TMED7: variants seen among roughly 807,000 people sequenced by gnomAD.
The protein encoded by TMED7 is transmembrane p24 trafficking protein 7, also known as transmembrane emp24 domain-containing protein 7.
Under a neutral mutation model 23.4 loss-of-function variants are expected in TMED7, and 8 were observed. That is an observed-to-expected ratio of 0.34 (90% confidence interval 0.20 to 0.62). The LOEUF is 0.62. TMED7 is among the 20% of genes least tolerant of loss of function. The pLI, the probability that TMED7 is intolerant of heterozygous loss-of-function variation, is 0.77. For synonymous variants in TMED7, 121 were observed against 108.5 expected, an observed-to-expected ratio of 1.12 and a Z score of -0.72; for missense variants, 232 against 279.1, an observed-to-expected ratio of 0.83 and a Z score of 1.20.
chr5:115,624,232 T>C (rs551796574), intron 1 of TMED7, among the ~76,000 whole-genome samples: 4 of 152,282 alleles, frequency 2.6e-5, no homozygotes, highest in Admixed American at 2.0e-4. Context: ...TTCTTTTCTG[T>C]CCCCTGGTGC....
rs1477784796 is a variant in TMED7 at position 115,614,492 on chromosome 5, T to C, written c.*1717A>G. 6.6e-6 allele frequency: 1 copy of C among 152,542 alleles called. No individual in the cohort carries two copies. Among genetic ancestry groups the C allele is most frequent in the Admixed American group, 6.5e-5 (1 of 15,270 alleles). 9.4% of individuals were successfully genotyped at this position (152,542 alleles called of 1,614,324 possible). A position where few individuals can be genotyped will look rare whatever the true frequency, so the allele number is the denominator to read the frequency against. The stretch of plus-strand genomic sequence containing the variant: ...AACATCAGTGCTTACAACTTTCAAA[T>C]TTAAATATAAAGGGACACTTGCAAA... On this transcript the variant is annotated 3_prime_UTR_variant, in exon 3 of 3. Coordinates refer to ENST00000456936, the MANE Select transcript of TMED7 (RefSeq NM_181836.6).
intron 1 of TMED7, among the ~76,000 whole-genome samples, chr5:115,624,187 G>A (rs1290932454): frequency 6.6e-6 from 1 of 152,118 alleles, no homozygotes; most frequent in Non-Finnish European, 1.5e-5. Flanking sequence ...CAAAGAAAAT[G>A]TCGGCTTATA....
At position 115,625,931 on chromosome 5, in the gene TMED7, T is replaced by G; in HGVS notation, c.-139A>C. On this transcript the variant is annotated 5_prime_UTR_variant, in exon 1 of 3. Coordinates refer to ENST00000456936, the MANE Select transcript of TMED7 (RefSeq NM_181836.6). ...GAGCAGGTTCACGCCTGTGGGAGAT[T>G]CGGGATCAGAGCGACCCTCCGGCTT... 8.4e-7 allele frequency: 1 copy of G among 1,196,320 alleles called. No homozygotes were observed. Among genetic ancestry groups the G allele is most frequent in the Non-Finnish European group, 1.1e-6 (1 of 943,642 alleles). The allele number at this position is 1,196,320 out of a possible 1,614,324, so 74.1% of individuals were successfully genotyped here. A position where few individuals can be genotyped will look rare whatever the true frequency, so the allele number is the denominator to read the frequency against.
intron 2 of TMED7, among the ~76,000 whole-genome samples, chr5:115,618,401 G>A (rs1756877558): frequency 6.6e-6 from 1 of 152,096 alleles, no homozygotes; most frequent in South Asian, 2.1e-4. Flanking sequence ...TTCCCCTATT[G>A]TTTCAAAGTT....
Position 115,613,227 on chromosome 5 carries a change from G to C in TMED7, c.*2982C>G, listed in dbSNP as rs986282901. Among the ~76,000 whole-genome samples the C allele has an allele frequency of 4.6e-5, 7 of 152,074 alleles. No individual in the cohort carries two copies. The highest frequency in any genetic ancestry group is 1.4e-4 in the African/African-American group (6 of 41,394). On this transcript the variant is annotated 3_prime_UTR_variant, in exon 3 of 3. Transcript: ENST00000456936. ...CAACTGGGTAATATACAAACTAAAG[G>C]TAATTTACTTAAAAATTAAGACCTC...
At chr5:115,619,007 C>G (rs1207021958) in intron 2 of TMED7, 1 of 151,984 alleles carries the variant, frequency 6.6e-6, no homozygotes, top group Non-Finnish European at 1.5e-5. Flanking sequence ...ATAATGATCC[C>G]TATTATATGA....
Position 115,615,416 on chromosome 5 carries a change from A to C in TMED7, c.*793T>G, listed in dbSNP as rs1756680046. On this transcript the variant is annotated 3_prime_UTR_variant, in exon 3 of 3. Coordinates refer to ENST00000456936, the MANE Select transcript of TMED7 (RefSeq NM_181836.6). ...TAAACATATCACCTTTTTTCCTTGTAAAAGCACTGAAAATGTAATGAGTAC... is the reference window on the plus strand; with the variant it reads ...TAAACATATCACCTTTTTTCCTTGTCAAAGCACTGAAAATGTAATGAGTAC... 6.6e-6 allele frequency: 1 copy of C among 152,432 alleles called. No individual in the cohort carries two copies. Among genetic ancestry groups the C allele is most frequent in the African/African-American group, 2.4e-5 (1 of 41,438 alleles). The allele number at this position is 152,432 out of a possible 1,614,324, so 9.4% of individuals were successfully genotyped here.
In TMED7 at chr5:115,625,519, A is replaced by C. The variant is rs1229397002; in HGVS notation, c.192+82T>G. ...TTAGCCTAAGAACGGGGAAACACGGACAGGAAAGTGCCATCCCTCAAGTTA... is the reference window on the plus strand; with the variant it reads ...TTAGCCTAAGAACGGGGAAACACGGCCAGGAAAGTGCCATCCCTCAAGTTA... On this transcript the variant is annotated intron_variant, in intron 1 of 2. Transcript: ENST00000456936. The C allele has an allele frequency of 2.2e-6, 3 of 1,358,550 alleles. No individual in the cohort carries two copies. The East Asian group carries it at 9.0e-5, about 41-fold the overall frequency. The allele number at this position is 1,358,550 out of a possible 1,614,324, so 84.2% of individuals were successfully genotyped here. A position where few individuals can be genotyped will look rare whatever the true frequency, so the allele number is the denominator to read the frequency against.
chr5:115,625,800 A>AGGC lies in TMED7; in HGVS notation c.-11_-9dup, dbSNP rs1259697746. On this transcript the variant is annotated 5_prime_UTR_variant, in exon 1 of 3. Coordinates refer to ENST00000456936, the MANE Select transcript of TMED7 (RefSeq NM_181836.6). ...GGACCCCGGCCGCGGCATCCCGAGA[A>AGGC]GGCGGCGGCGGCCTCAACCGAGCTG... 4.3e-6 allele frequency: 6 copies of AGGC among 1,409,450 alleles called. No homozygotes were observed. The South Asian group carries it at 6.5e-5, about 15-fold the overall frequency. 87.3% of individuals were successfully genotyped at this position (1,409,450 alleles called of 1,614,324 possible). A position where few individuals can be genotyped will look rare whatever the true frequency, so the allele number is the denominator to read the frequency against.
Position 115,614,227 on chromosome 5 carries a change from G to C in TMED7, c.*1982C>G, listed in dbSNP as rs111887051. 2.0e-5 allele frequency: 3 copies of C among 152,018 alleles called. No homozygotes were observed. The highest frequency in any genetic ancestry group is 4.4e-5 in the Non-Finnish European group (3 of 67,952). The allele number at this position is 152,018 out of a possible 1,614,324, so 9.4% of individuals were successfully genotyped here. ...TAAGCCAACACTATTTTCTATAACA[G>C]GTAACAGTAGTGATTTCAAAAATTT... On this transcript the variant is annotated 3_prime_UTR_variant, in exon 3 of 3. Transcript: ENST00000456936.
chr5:115,613,924 T>C lies in TMED7; in HGVS notation c.*2285A>G, dbSNP rs375149118. 1 of 152,562 alleles carries C rather than the reference T, an allele frequency of 6.6e-6. No individual in the cohort carries two copies. Among genetic ancestry groups the C allele is most frequent in the East Asian group, 1.9e-4 (1 of 5,204 alleles). 9.5% of individuals were successfully genotyped at this position (152,562 alleles called of 1,614,324 possible). A position where few individuals can be genotyped will look rare whatever the true frequency, so the allele number is the denominator to read the frequency against. Reference sequence around the variant, plus strand: ...AACTTGTATATCAAGTTGCTTTCCATTATTTATTCTACTTTAAAAATATAT... The same window carrying C: ...AACTTGTATATCAAGTTGCTTTCCACTATTTATTCTACTTTAAAAATATAT... On this transcript the variant is annotated 3_prime_UTR_variant, in exon 3 of 3. Coordinates refer to ENST00000456936, the MANE Select transcript of TMED7 (RefSeq NM_181836.6).
At chr5:115,623,140 A>C (rs1349315789) in intron 1 of TMED7, among the ~76,000 whole-genome samples, 2 of 152,210 alleles carry the variant, frequency 1.3e-5, no homozygotes, top group African/African-American at 2.4e-5. Flanking sequence ...ATTACAGCCA[A>C]AGGCTGCCTC....
intron 2 of TMED7, 111 bp downstream of exon 2, chr5:115,620,322 TAA>T: frequency 7.7e-7 from 1 of 1,301,502 alleles, no homozygotes. Context: ...AGATAGATTT[TAA>T]AGACTGTCAG....
rs1198852080 is a variant in TMED7, at chr5:115,616,562, C to A, written c.439-117G>T. 4.0e-5 allele frequency: 58 copies of A among 1,446,836 alleles called. No homozygotes were observed. In the East Asian group the frequency reaches 7.5e-4, roughly 19 times the overall value. 89.6% of individuals were successfully genotyped at this position (1,446,836 alleles called of 1,614,324 possible). A position where few individuals can be genotyped will look rare whatever the true frequency, so the allele number is the denominator to read the frequency against. Reference sequence around the variant, plus strand: ...CTCTTTTGACTAACATGCTACTAATCTGGCATTCATTCATACATTTATGCC... The same window carrying A: ...CTCTTTTGACTAACATGCTACTAATATGGCATTCATTCATACATTTATGCC... On this transcript the variant is annotated intron_variant, in intron 2 of 2. Coordinates refer to ENST00000456936, the MANE Select transcript of TMED7 (RefSeq NM_181836.6).
In TMED7 at chr5:115,613,981, C is replaced by G. The variant is rs1302495349; in HGVS notation, c.*2228G>C. 3 of 152,348 alleles carry G rather than the reference C, an allele frequency of 2.0e-5. No homozygotes were observed. Among genetic ancestry groups the G allele is most frequent in the East Asian group, 1.9e-4 (1 of 5,196 alleles). The allele number at this position is 152,348 out of a possible 1,614,324, so 9.4% of individuals were successfully genotyped here. On this transcript the variant is annotated 3_prime_UTR_variant, in exon 3 of 3. Coordinates refer to ENST00000456936, the MANE Select transcript of TMED7 (RefSeq NM_181836.6). ...ATGATGTTCAAATATGTATTCTGAGCCATTATGTTCAAACATAAATATCTG... is the reference window on the plus strand; with the variant it reads ...ATGATGTTCAAATATGTATTCTGAGGCATTATGTTCAAACATAAATATCTG...
Position 115,615,542 on chromosome 5 carries a change from C to T in TMED7, c.*667G>A, listed in dbSNP as rs1756689587. 1 of 152,292 alleles carries T rather than the reference C, an allele frequency of 6.6e-6. No individual in the cohort carries two copies. The allele number at this position is 152,292 out of a possible 1,614,324, so 9.4% of individuals were successfully genotyped here. On this transcript the variant is annotated 3_prime_UTR_variant, in exon 3 of 3. Coordinates refer to ENST00000456936, the MANE Select transcript of TMED7 (RefSeq NM_181836.6). ...CTGTTACAAAGTCTGATATTTAAGGCCTGTATAAACTCTTTTACACTACTG... is the reference window on the plus strand; with the variant it reads ...CTGTTACAAAGTCTGATATTTAAGGTCTGTATAAACTCTTTTACACTACTG...
Position 115,626,032 on chromosome 5 carries a change from G to A in TMED7, c.-240C>T, listed in dbSNP as rs907275123. The A allele has an allele frequency of 7.1e-6, 3 of 425,462 alleles. No individual in the cohort carries two copies. Among genetic ancestry groups the A allele is most frequent in the East Asian group, 4.0e-5 (1 of 25,260 alleles). 26.4% of individuals were successfully genotyped at this position (425,462 alleles called of 1,614,324 possible). A position where few individuals can be genotyped will look rare whatever the true frequency, so the allele number is the denominator to read the frequency against. The stretch of plus-strand genomic sequence containing the variant: ...AAAGGCCTGAGAGGGTCGGAAGTGG[G>A]GATTAGCCTTTCGGGGGGTGAAGGG... On this transcript the variant is annotated 5_prime_UTR_variant, in exon 1 of 3. Transcript: ENST00000456936.
chr5:115,615,844 C>A lies in TMED7; in HGVS notation c.*365G>T. On this transcript the variant is annotated 3_prime_UTR_variant, in exon 3 of 3. Coordinates refer to ENST00000456936, the MANE Select transcript of TMED7 (RefSeq NM_181836.6). Reference sequence around the variant, plus strand: ...TTTCTTCCTCCCTAACACATGTAGACATTAAATCTAAAGTTTTTAAAATAT... The same window carrying A: ...TTTCTTCCTCCCTAACACATGTAGAAATTAAATCTAAAGTTTTTAAAATAT... 4.1e-6 allele frequency: 1 copy of A among 245,626 alleles called. No individual in the cohort carries two copies. The highest frequency in any genetic ancestry group is 8.0e-6 in the Non-Finnish European group (1 of 124,748). The allele number at this position is 245,626 out of a possible 1,614,324, so 15.2% of individuals were successfully genotyped here.
Position 115,626,020 on chromosome 5 carries a change from G to A in TMED7, c.-228C>T, listed in dbSNP as rs546067028. The A allele has an allele frequency of 2.1e-6, 1 of 471,124 alleles. No homozygotes were observed. The highest frequency in any genetic ancestry group is 3.4e-6 in the Non-Finnish European group (1 of 295,666). The allele number at this position is 471,124 out of a possible 1,614,324, so 29.2% of individuals were successfully genotyped here. ...AAGAGAAGCGGAAAAGGCCTGAGAG[G>A]GTCGGAAGTGGGGATTAGCCTTTCG... On this transcript the variant is annotated 5_prime_UTR_variant, in exon 1 of 3. Coordinates refer to ENST00000456936, the MANE Select transcript of TMED7 (RefSeq NM_181836.6).
Sources: allele counts gnomAD v4.1 joint callset (sites outside exome capture counted in the v4.1 genomes callset), GRCh38; gene constraint gnomAD v4.1.1; transcripts MANE v1.5; gene names NCBI Gene and HGNC (gene_info 2026-07-23, HGNC 2026-07-21).